GPHN: variants seen among roughly 807,000 people sequenced by gnomAD.
GPHN encodes the protein gephyrin.
Under a neutral mutation model 95.5 loss-of-function variants are expected in GPHN, and 17 were observed. The observed-to-expected ratio is 0.18, with a 90% CI of 0.12 to 0.27. GPHN has a LOEUF of 0.27. GPHN is among the 10% of genes least tolerant of loss of function. GPHN has a pLI of 1.00. For synonymous variants in GPHN, 320 were observed against 322.5 expected (o/e 0.99, Z 0.08); for missense variants, 660 against 978.1 (o/e 0.67, Z 4.34).
chr14:67,695,582 C>T, the GPHN span: 1 of 1,557,564 alleles, frequency 6.4e-7, no homozygotes, highest in African/African-American at 1.4e-5. Flanking sequence ...GTTTCCCTCC[C>T]GCCCCGCAAC....
At position 66,738,990 on chromosome 14, in the gene GPHN, CAT is replaced by C. The variant is rs571043018; in HGVS notation, c.144-37473_144-37472del. On this transcript the variant is annotated intron_variant, in intron 2 of 22. Transcript: ENST00000478722. ...CTTTTTGGGTGGCGTTCTATTGAAA[CAT>C]GTGAGAAAATATTAGTAACTTGTCT... 2.5e-4 allele frequency among the ~76,000 whole-genome samples: 38 copies of C among 151,964 alleles called. No homozygotes were observed. In the South Asian group the frequency reaches 6.0e-3, roughly 24 times the overall value.
the GPHN span, among the ~76,000 whole-genome samples, chr14:67,488,334 G>A: frequency 6.6e-6 from 1 of 152,362 alleles, no homozygotes; most frequent in Admixed American, 6.5e-5. Context: ...GGGCAGGAGT[G>A]GGGGAACTGA....
At chr14:66,937,700 A>G (rs1406862295) in intron 8 of GPHN, among the ~76,000 whole-genome samples, 1 of 152,122 alleles carries the variant, frequency 6.6e-6, no homozygotes, top group Non-Finnish European at 1.5e-5. Flanking sequence ...TTAACCAGAT[A>G]TCCTCCTTAA....
chr14:67,144,840 G>A (rs751148109), intron 18 of GPHN, among the ~76,000 whole-genome samples: 2 of 152,180 alleles, frequency 1.3e-5, no homozygotes, highest in Non-Finnish European at 2.9e-5. Context: ...TTTCAGAATA[G>A]CACTGCAGAT....
At chr14:67,288,931 A>G in the GPHN span, among the ~76,000 whole-genome samples, 2 of 150,968 alleles carry the variant, frequency 1.3e-5, no homozygotes, top group African/African-American at 4.9e-5. Context: ...TTAGAGAATA[A>G]TGACAAGGAA....
At chr14:67,392,625 T>A in the GPHN span, 1 of 1,573,184 alleles carries the variant, frequency 6.4e-7, no homozygotes, top group Non-Finnish European at 8.7e-7. Flanking sequence ...CCTTAACTTT[T>A]GCCCTGGTGG....
At chr14:67,315,711 G>C in the GPHN span, among the ~76,000 whole-genome samples, 2 of 152,012 alleles carry the variant, frequency 1.3e-5, no homozygotes. Flanking sequence ...GATCACCTGA[G>C]ATTAGGAGTT....
chr14:67,661,277 G>GTA, the GPHN span, among the ~76,000 whole-genome samples: 1 of 18,342 alleles, frequency 5.5e-5, no homozygotes, highest in South Asian at 2.2e-3. Context: ...TAGGGCTAGA[G>GTA]CAAAAAAAAA....
chr14:66,566,087 A>C (rs2140320156), intron 1 of GPHN, among the ~76,000 whole-genome samples: 1 of 152,096 alleles, frequency 6.6e-6, no homozygotes, highest in African/African-American at 2.4e-5. Context: ...TAATTTTAGC[A>C]CTTACTGAAC....
At chr14:66,815,049 G>C (rs12879000) in intron 3 of GPHN, among the ~76,000 whole-genome samples, 25,947 of 152,128 alleles carry the variant, frequency 0.17, 2,854 homozygotes, top group Middle Eastern at 0.34. Context: ...AGAACAAGCT[G>C]AGGAAAGAAT....
chr14:67,297,245 A>G, the GPHN span, among the ~76,000 whole-genome samples: 1 of 152,244 alleles, frequency 6.6e-6, no homozygotes, highest in African/African-American at 2.4e-5. Flanking sequence ...TGGCAGTACC[A>G]GTCAGTGCAA....
At chr14:66,754,474 T>TCTCTCTATAGTGA (rs2058489609) in intron 2 of GPHN, among the ~76,000 whole-genome samples, 1 of 151,984 alleles carries the variant, frequency 6.6e-6, no homozygotes, top group Non-Finnish European at 1.5e-5. Flanking sequence ...GAAATGTACT[T>TCTCTCTATAGTGA]CTCTCTATAG....
the GPHN span, among the ~76,000 whole-genome samples, chr14:67,274,995 T>C: frequency 0.029 from 4,398 of 152,348 alleles, 84 homozygotes; most frequent in Non-Finnish European, 0.036. Context: ...TTTGCTGAAG[T>C]TGCTTATCAG....
chr14:66,634,369 A>G (rs1340860753), intron 1 of GPHN, among the ~76,000 whole-genome samples: 2 of 152,042 alleles, frequency 1.3e-5, no homozygotes, highest in Non-Finnish European at 2.9e-5. Context: ...CTTCACCTGT[A>G]ATCAACAACT....
At chr14:67,692,990 A>C in the GPHN span, 1 of 1,614,106 alleles carries the variant, frequency 6.2e-7, no homozygotes, top group Non-Finnish European at 8.5e-7. Flanking sequence ...AGCTCCTGTG[A>C]CCACAACTAC....
At chr14:67,620,956 C>G in the GPHN span, 1 of 1,614,096 alleles carries the variant, frequency 6.2e-7, no homozygotes, top group Non-Finnish European at 8.5e-7. Context: ...TGAAAAGGCT[C>G]TCCAGTTTGG....
the GPHN span, among the ~76,000 whole-genome samples, chr14:67,233,072 T>A: frequency 6.6e-6 from 1 of 151,508 alleles, no homozygotes; most frequent in Non-Finnish European, 1.5e-5. Flanking sequence ...CTAAAAGGGA[T>A]CCACTGTGCT....
At chr14:67,323,636 A>ATATATATATC in the GPHN span, 13 of 434,802 alleles carry the variant, frequency 3.0e-5, no homozygotes, top group African/African-American at 2.6e-4. Flanking sequence ...ATATATATAT[A>ATATATATATC]TCAGTATTAT....
At chr14:67,394,416 G>A in the GPHN span, among the ~76,000 whole-genome samples, 1 of 151,970 alleles carries the variant, frequency 6.6e-6, no homozygotes, top group Non-Finnish European at 1.5e-5. Flanking sequence ...AAACAAAAAA[G>A]CCCCAAGAGT....
Sources: allele counts gnomAD v4.1 joint callset (sites outside exome capture counted in the v4.1 genomes callset), GRCh38; gene constraint gnomAD v4.1.1; transcripts MANE v1.5; gene names NCBI Gene and HGNC (gene_info 2026-07-23, HGNC 2026-07-21).